The following CEMIP variants were observed in gnomAD, a reference collection of about 807,000 sequenced individuals.
The protein encoded by CEMIP is cell migration inducing hyaluronidase 1.
A neutral mutation model predicts 156.9 loss-of-function variants in CEMIP; 105 were observed. That is an observed-to-expected ratio of 0.67 (90% CI 0.57 to 0.79). CEMIP has a LOEUF of 0.79. Among genes scored for constraint, CEMIP ranks in the 30% least tolerant of loss-of-function variants. The pLI is 0.00. For synonymous variants in CEMIP, 676 were observed against 668.4 expected (o/e 1.01, Z -0.17); for missense variants, 1,457 against 1,769.4 (o/e 0.82, Z 3.17).
At chr15:80,870,986 G>A (rs1898268838) in intron 1 of CEMIP, among the ~76,000 whole-genome samples, 1 of 152,178 alleles carries the variant, frequency 6.6e-6, no homozygotes, top group Non-Finnish European at 1.5e-5. Context: ...GAGACTTCCA[G>A]CATTGTTAGC....
At position 80,895,013 on chromosome 15, in the gene CEMIP, C is replaced by T. The variant is rs765296141; in HGVS notation, c.1110C>T (p.Asn370=). Residue 370 remains asparagine (N), a synonymous_variant, in exon 11 of 30, where the codon AAC becomes AAT. Transcript: ENST00000394685. ...DIQATTMDGV[N]LSTEVVYKKG... is the part of the protein sequence containing the mutation. The stretch of plus-strand genomic sequence containing the variant: ...AGGCCACTACAATGGATGGAGTTAA[C>T]CTCAGCACCGAGGTTGTCTACAAAA... 1 of 1,614,088 alleles carries T rather than the reference C, an allele frequency of 6.2e-7. No homozygotes were observed. The highest frequency in any genetic ancestry group is 8.5e-7 in the Non-Finnish European group (1 of 1,179,996).
intron 18 of CEMIP, 99 bp from the exon 19 acceptor site, chr15:80,925,525 G>A (rs1327388654): frequency 6.6e-6 from 10 of 1,522,160 alleles, no homozygotes; most frequent in Non-Finnish European, 8.9e-6. Context: ...GCCTTCCTGG[G>A]CACTGTGAGT....
intron 12 of CEMIP, among the ~76,000 whole-genome samples, chr15:80,900,008 G>A (rs1405596065): frequency 1.3e-5 from 2 of 152,128 alleles, no homozygotes; most frequent in African/African-American, 2.4e-5. Flanking sequence ...AAGCCTGACC[G>A]TGAGCCCTTG....
At chr15:80,881,351 C>T (rs866520758) in intron 6 of CEMIP, among the ~76,000 whole-genome samples, 31 of 152,068 alleles carry the variant, frequency 2.0e-4, no homozygotes, top group African/African-American at 2.7e-4. Flanking sequence ...GTACATACAA[C>T]GTAGTTTCAG....
chr15:80,786,558 G>GTGTGTGTGTGTGTA (rs903700349), intron 1 of CEMIP, among the ~76,000 whole-genome samples: 6 of 46,426 alleles, frequency 1.3e-4, no homozygotes, highest in African/African-American at 1.9e-4. Context: ...ATGTCTTGCT[G>GTGTGTGTGTGTGTA]TGTGTGTGTG....
At chr15:80,849,775 T>C (rs926483123) in intron 1 of CEMIP, among the ~76,000 whole-genome samples, 7 of 152,052 alleles carry the variant, frequency 4.6e-5, no homozygotes, top group African/African-American at 1.7e-4. Context: ...TGAAATATAC[T>C]AAAGGAAGTG....
chr15:80,855,446 G>A (rs987987281), intron 1 of CEMIP, among the ~76,000 whole-genome samples: 1 of 152,150 alleles, frequency 6.6e-6, no homozygotes, highest in South Asian at 2.1e-4. Context: ...GAAGGACAGT[G>A]GCAAACACAG....
chr15:80,803,250 C>A (rs1289056184), intron 1 of CEMIP, among the ~76,000 whole-genome samples: 1 of 152,240 alleles, frequency 6.6e-6, no homozygotes, highest in African/African-American at 2.4e-5. Context: ...GGATTCTGTC[C>A]CCTCATATAC....
chr15:80,853,422 G>C (rs1897760446), intron 1 of CEMIP, among the ~76,000 whole-genome samples: 1 of 152,120 alleles, frequency 6.6e-6, no homozygotes, highest in Admixed American at 6.5e-5. Context: ...GTTTCGTCTG[G>C]GAGTCAGAAA....
At chr15:80,941,700 T>G (rs890542548) in intron 25 of CEMIP, 149 bp from the exon 26 acceptor site, 2 of 711,968 alleles carry the variant, frequency 2.8e-6, no homozygotes, top group Non-Finnish European at 2.5e-6. Flanking sequence ...TCCAACTACA[T>G]GCAACTCGGT....
chr15:80,856,398 A>C (rs16972495), intron 1 of CEMIP, among the ~76,000 whole-genome samples: 23,328 of 152,216 alleles, frequency 0.15, 2,156 homozygotes, highest in East Asian at 0.24. Flanking sequence ...ACTGAGATTG[A>C]TTTCTGGATG....
intron 14 of CEMIP, among the ~76,000 whole-genome samples, chr15:80,919,151 C>T (rs1900378716): frequency 6.6e-6 from 1 of 152,168 alleles, no homozygotes; most frequent in African/African-American, 2.4e-5. Flanking sequence ...AGTTCTGAAC[C>T]CAGGCGTTGC....
In CEMIP at chr15:80,942,326, G is replaced by A. The variant is rs760551866; in HGVS notation, c.3688G>A (p.Ala1230Thr). 1.9e-5 allele frequency: 30 copies of A among 1,613,122 alleles called. No homozygotes were observed. Among genetic ancestry groups the A allele is most frequent in the African/African-American group, 2.7e-5 (2 of 74,890 alleles). Reference protein sequence around the residue: ...QHFFHLWNDFAYIEVDGKKYP... With the variant: ...QHFFHLWNDFTYIEVDGKKYP... Reference sequence around the variant, plus strand: ...CTTCTTCCACCTCTGGAACGACTTCGCTTACATTGAAGTAAGTGCCTCTGG... The same window carrying A: ...CTTCTTCCACCTCTGGAACGACTTCACTTACATTGAAGTAAGTGCCTCTGG... Residue 1230 changes from alanine (A) to threonine (T), a missense_variant, in exon 27 of 30, where the codon GCT (alanine) becomes ACT (threonine). This residue lies in a region of CEMIP where 798 missense variants were observed against 980.1 expected (regional missense o/e 0.81). Coordinates refer to ENST00000394685, the MANE Select transcript of CEMIP (RefSeq NM_001293298.2).
At position 80,948,989 on chromosome 15, in the gene CEMIP, T is replaced by G. The variant is rs1596217921; in HGVS notation, c.*65T>G. The G allele has an allele frequency of 6.2e-7, 1 of 1,605,886 alleles. No individual in the cohort carries two copies. The highest frequency in any genetic ancestry group is 8.5e-7 in the Non-Finnish European group (1 of 1,173,790). ...ACGGTGACTCTTGGCAGCAGACCAG[T>G]GGGGGATGGCTGGGTCCCCCAGCCC... On this transcript the variant is annotated 3_prime_UTR_variant, in exon 30 of 30. Coordinates refer to ENST00000394685, the MANE Select transcript of CEMIP (RefSeq NM_001293298.2).
intron 25 of CEMIP, among the ~76,000 whole-genome samples, chr15:80,939,792 C>A (rs1901272006): frequency 6.6e-6 from 1 of 152,158 alleles, no homozygotes; most frequent in Non-Finnish European, 1.5e-5. Context: ...TTTTAAAAAT[C>A]TTTCTGCCTT....
intron 1 of CEMIP, among the ~76,000 whole-genome samples, chr15:80,821,057 G>A (rs1218595391): frequency 6.6e-6 from 1 of 152,206 alleles, no homozygotes; most frequent in Non-Finnish European, 1.5e-5. Context: ...TAGTTGGAAA[G>A]GAACTGTTCA....
intron 16 of CEMIP, 143 bp from the exon 17 acceptor site, chr15:80,921,866 T>C: frequency 1.1e-6 from 1 of 944,274 alleles, no homozygotes; most frequent in Admixed American, 1.8e-5. Flanking sequence ...CATGGAGGTG[T>C]GTTGGGGGTG....
intron 19 of CEMIP, 54 bp from the exon 20 acceptor site, chr15:80,928,848 C>G: frequency 1.2e-6 from 2 of 1,610,176 alleles, no homozygotes; most frequent in Non-Finnish European, 1.7e-6. Flanking sequence ...TCCACGACTC[C>G]ACTGAATGTG....
At chr15:80,841,510 C>T (rs746480875) in intron 1 of CEMIP, among the ~76,000 whole-genome samples, 8 of 152,320 alleles carry the variant, frequency 5.3e-5, no homozygotes, top group East Asian at 1.9e-4. Context: ...ATGGGGGAAG[C>T]GGGCAAGGGA....
Sources: allele counts gnomAD v4.1 joint callset (sites outside exome capture counted in the v4.1 genomes callset), GRCh38; gene constraint gnomAD v4.1.1; regional missense constraint gnomAD v4.1.1; transcripts MANE v1.5; gene names NCBI Gene and HGNC (gene_info 2026-07-23, HGNC 2026-07-21).